The following GPD1L variants were observed in gnomAD, a reference collection of about 807,000 sequenced individuals.
GPD1L encodes the protein glycerol-3-phosphate dehydrogenase 1-like protein.
GPD1L carries 17 observed loss-of-function variants against 32.9 expected under a neutral mutation model. The observed-to-expected ratio is 0.52, with a 90% CI of 0.35 to 0.78. The LOEUF (loss-of-function observed/expected upper bound fraction) is 0.78, where lower values mean the gene tolerates loss of function less well. Among genes scored for constraint, GPD1L ranks in the 30% least tolerant of loss-of-function variants. The pLI, the probability that GPD1L is intolerant of heterozygous loss-of-function variation, is 0.01. For missense variants in GPD1L, 361 were observed against 447.8 expected (o/e 0.81, Z 1.75); for synonymous variants, 187 against 165.9 (o/e 1.13, Z -0.98).
intron 4 of GPD1L, 59 bp from the exon 5 acceptor site, chr3:32,146,563 G>A (rs983865740): frequency 2.3e-6 from 2 of 885,610 alleles, no homozygotes; most frequent in South Asian, 1.3e-5. Flanking sequence ...AGTGTATTAG[G>A]TGTGAAAATT....
intron 1 of GPD1L, among the ~76,000 whole-genome samples, chr3:32,115,611 T>TGGA (rs975048831): frequency 6.6e-6 from 1 of 152,090 alleles, no homozygotes; most frequent in African/African-American, 2.4e-5. Context: ...TCTCCAGTCC[T>TGGA]GGAGGAGGAG....
intron 5 of GPD1L, among the ~76,000 whole-genome samples, chr3:32,152,864 A>G (rs1376238285): frequency 2.5e-4 from 34 of 135,530 alleles, no homozygotes; most frequent in Admixed American, 2.3e-3. Context: ...AAAAAGACAG[A>G]CAAAGAGCAC....
chr3:32,151,623 G>A (rs984391503), intron 5 of GPD1L, among the ~76,000 whole-genome samples: 2 of 152,074 alleles, frequency 1.3e-5, no homozygotes, highest in African/African-American at 2.4e-5. Flanking sequence ...GGGACTATAG[G>A]TGCTTGCCAC....
At chr3:32,120,779 A>C (rs1700401299) in intron 1 of GPD1L, among the ~76,000 whole-genome samples, 1 of 152,220 alleles carries the variant, frequency 6.6e-6, no homozygotes, top group Non-Finnish European at 1.5e-5. Flanking sequence ...GGCATAATAA[A>C]TTTAGAGGGT....
chr3:32,128,782 TG>T (rs1445437908), intron 2 of GPD1L, among the ~76,000 whole-genome samples: 1 of 152,212 alleles, frequency 6.6e-6, no homozygotes, highest in East Asian at 1.9e-4. Context: ...CAGCCACCTC[TG>T]GAACTAACAA....
At chr3:32,151,190 C>A in intron 5 of GPD1L, 1 of 595,612 alleles carries the variant, frequency 1.7e-6, no homozygotes, top group Non-Finnish European at 3.2e-6. Flanking sequence ...TCAGTCTAAT[C>A]CAGGTACCTT....
At chr3:32,121,392 G>A (rs149885445) in intron 1 of GPD1L, among the ~76,000 whole-genome samples, 66 of 150,962 alleles carry the variant, frequency 4.4e-4, no homozygotes, top group South Asian at 2.5e-3. Context: ...CCTCCTCCCC[G>A]GGTAAGGCCC....
chr3:32,150,783 T>C (rs1022924744), intron 5 of GPD1L, among the ~76,000 whole-genome samples: 1 of 152,186 alleles, frequency 6.6e-6, no homozygotes, highest in Non-Finnish European at 1.5e-5. Flanking sequence ...AGATGATTAA[T>C]GTTAAAAAAG....
chr3:32,152,306 T>G lies in GPD1L; in HGVS notation c.618+5572T>G, dbSNP rs143648402. Among the ~76,000 whole-genome samples, 8 of 152,336 alleles carry G rather than the reference T, an allele frequency of 5.3e-5. No homozygotes were observed. In the East Asian group the frequency reaches 1.5e-3, roughly 29 times the overall value. On this transcript the variant is annotated intron_variant, in intron 5 of 7. Transcript: ENST00000282541. ...TATATGACAATTCTATTCTATAGAA[T>G]TCGCAGGGATCCAGGCTTCTTCCAG...
intron 1 of GPD1L, among the ~76,000 whole-genome samples, chr3:32,123,816 A>AGAT (rs1553657812): frequency 9.1e-5 from 13 of 143,644 alleles, no homozygotes; most frequent in African/African-American, 3.3e-4. Context: ...ATAGATAGAT[A>AGAT]GATAGATAGA....
intron 4 of GPD1L, among the ~76,000 whole-genome samples, chr3:32,144,503 G>C (rs578071955): frequency 6.6e-6 from 1 of 152,294 alleles, no homozygotes; most frequent in South Asian, 2.1e-4. Flanking sequence ...TTTTGAAGGA[G>C]TTTTATTACA....
intron 4 of GPD1L, among the ~76,000 whole-genome samples, chr3:32,146,328 T>C (rs981902997): frequency 6.6e-6 from 1 of 152,208 alleles, no homozygotes; most frequent in Non-Finnish European, 1.5e-5. Context: ...CCTCGTGATC[T>C]GCCCGCCTCA....
intron 7 of GPD1L, among the ~76,000 whole-genome samples, chr3:32,159,882 C>G (rs1205939559): frequency 6.6e-6 from 1 of 152,218 alleles, no homozygotes; most frequent in Non-Finnish European, 1.5e-5. Context: ...CCAGGCTCAA[C>G]TTCAATGAAA....
chr3:32,131,912 T>C (rs1028214735), intron 2 of GPD1L, among the ~76,000 whole-genome samples: 1 of 152,250 alleles, frequency 6.6e-6, no homozygotes, highest in Non-Finnish European at 1.5e-5. Context: ...GTTATCTGAC[T>C]TTTTAATCCT....
At chr3:32,128,031 G>A (rs773248354) in intron 1 of GPD1L, 45 bp from the exon 2 acceptor site, 30 of 1,353,028 alleles carry the variant, frequency 2.2e-5, no homozygotes, top group Middle Eastern at 2.4e-4. Context: ...TTTCTCTCCC[G>A]CCCAAGTGAG....
At chr3:32,142,774 T>G (rs572040640) in intron 4 of GPD1L, among the ~76,000 whole-genome samples, 1 of 152,202 alleles carries the variant, frequency 6.6e-6, no homozygotes. Flanking sequence ...TACATTAGGC[T>G]TTTTTGGTTT....
At chr3:32,159,518 C>A (rs1701047004) in intron 6 of GPD1L, 50 bp from the exon 7 acceptor site, 3 of 1,000,548 alleles carry the variant, frequency 3.0e-6, no homozygotes, top group Non-Finnish European at 4.7e-6. Flanking sequence ...ATAAATGATT[C>A]TTTAGTCTTT....
At chr3:32,141,882 A>C (rs768154455) in intron 4 of GPD1L, among the ~76,000 whole-genome samples, 1 of 152,140 alleles carries the variant, frequency 6.6e-6, no homozygotes, top group Non-Finnish European at 1.5e-5. Context: ...CTGGGTTATG[A>C]CTAATCCTGT....
chr3:32,134,585 C>G (rs1432688129), intron 2 of GPD1L, among the ~76,000 whole-genome samples: 1 of 152,212 alleles, frequency 6.6e-6, no homozygotes, highest in Non-Finnish European at 1.5e-5. Context: ...CTCCTGGGCT[C>G]AAGTGATCCT....
Sources: allele counts gnomAD v4.1 joint callset (sites outside exome capture counted in the v4.1 genomes callset), GRCh38; gene constraint gnomAD v4.1.1; transcripts MANE v1.5; gene names NCBI Gene and HGNC (gene_info 2026-07-23, HGNC 2026-07-21).